The following ANXA8 variants were observed in gnomAD, a reference collection of about 807,000 sequenced individuals.
The protein encoded by ANXA8 is VAC-beta.
A neutral mutation model predicts 26.8 loss-of-function variants in ANXA8; 9 were observed. That is an observed-to-expected ratio of 0.34 (90% CI 0.20 to 0.59). ANXA8 has a LOEUF of 0.59. Among genes scored for constraint, ANXA8 ranks in the 20% least tolerant of loss-of-function variants. The pLI is 0.84. For missense variants in ANXA8, 83 were observed against 238.5 expected (o/e 0.35, Z 4.29); for synonymous variants, 39 against 94.8 (o/e 0.41, Z 3.42).
the ANXA8 span, among the ~76,000 whole-genome samples, chr10:47,627,419 G>A: frequency 2.7e-5 from 4 of 149,980 alleles, 1 homozygote; most frequent in South Asian, 2.1e-4. Context: ...TCACTCTATC[G>A]GTACTGTTAA....
At chr10:47,695,642 C>T in the ANXA8 span, among the ~76,000 whole-genome samples, 42 of 151,762 alleles carry the variant, frequency 2.8e-4, no homozygotes, top group African/African-American at 1.0e-3. Context: ...TTTATACATC[C>T]TTGGTTTTCT....
chr10:47,764,310 T>G, the ANXA8 span, among the ~76,000 whole-genome samples: 1 of 151,670 alleles, frequency 6.6e-6, no homozygotes, highest in Non-Finnish European at 1.5e-5. Context: ...TGTTTGTTGT[T>G]GCCCCTGCAA....
the ANXA8 span, among the ~76,000 whole-genome samples, chr10:47,951,836 A>T: frequency 2.1e-5 from 3 of 141,252 alleles, no homozygotes; most frequent in African/African-American, 8.0e-5. Context: ...AAAAAAAAAA[A>T]GGAATATACA....
chr10:47,733,233 C>CTCTTTCTTTCTCTCTT, the ANXA8 span, among the ~76,000 whole-genome samples: 22 of 59,714 alleles, frequency 3.7e-4, no homozygotes, highest in South Asian at 1.3e-3. Flanking sequence ...CTTTCTTTCT[C>CTCTTTCTTTCTCTCTT]TCTTTCTTTC....
chr10:47,555,941 A>G, the ANXA8 span, among the ~76,000 whole-genome samples: 16 of 152,118 alleles, frequency 1.1e-4, no homozygotes, highest in African/African-American at 3.9e-4. Context: ...TATACTTAAT[A>G]GCAGAGAATG....
the ANXA8 span, among the ~76,000 whole-genome samples, chr10:47,932,137 G>GC: frequency 6.9e-6 from 1 of 145,650 alleles, no homozygotes; most frequent in Non-Finnish European, 1.5e-5. Context: ...TGAGGGACAG[G>GC]CACCCAACAG....
At chr10:47,666,418 T>C in the ANXA8 span, among the ~76,000 whole-genome samples, 2 of 151,342 alleles carry the variant, frequency 1.3e-5, no homozygotes, top group Non-Finnish European at 2.9e-5. Context: ...TTATCTCACT[T>C]AAGCTTTACA....
chr10:47,500,000 C>T, the ANXA8 span, among the ~76,000 whole-genome samples: 1 of 151,510 alleles, frequency 6.6e-6, no homozygotes, highest in Non-Finnish European at 1.5e-5. Context: ...TGAAGTCCTA[C>T]ACTCGAGCAG....
the ANXA8 span, among the ~76,000 whole-genome samples, chr10:47,645,376 C>T: frequency 6.8e-6 from 1 of 148,058 alleles, no homozygotes; most frequent in Non-Finnish European, 1.5e-5. Flanking sequence ...TCAGTTAACA[C>T]AAAGACCATA....
chr10:47,603,436 C>T, the ANXA8 span, among the ~76,000 whole-genome samples: 496 of 149,386 alleles, frequency 3.3e-3, 1 homozygote, highest in Non-Finnish European at 2.5e-3. Flanking sequence ...CTTACAGGTG[C>T]AGCTATGATC....
At chr10:47,504,791 G>T in the ANXA8 span, among the ~76,000 whole-genome samples, 1 of 140,424 alleles carries the variant, frequency 7.1e-6, no homozygotes, top group Non-Finnish European at 1.5e-5. Flanking sequence ...GTGCTCTGTG[G>T]ACCTCTCGGG....
At chr10:47,516,506 G>A in the ANXA8 span, among the ~76,000 whole-genome samples, 1 of 131,942 alleles carries the variant, frequency 7.6e-6, no homozygotes, top group Non-Finnish European at 1.6e-5. Context: ...CCAGGAAAAT[G>A]TGTTCAAGTA....
At chr10:47,652,150 T>G in the ANXA8 span, among the ~76,000 whole-genome samples, 1 of 151,952 alleles carries the variant, frequency 6.6e-6, no homozygotes, top group Non-Finnish European at 1.5e-5. Flanking sequence ...GGGAGGCAAT[T>G]GGGAATGACT....
the ANXA8 span, among the ~76,000 whole-genome samples, chr10:47,686,620 C>T: frequency 4.0e-5 from 6 of 151,882 alleles, no homozygotes; most frequent in South Asian, 2.1e-4. Context: ...ATGCCCAGCA[C>T]GTAATGTTTA....
At chr10:47,947,985 C>G in the ANXA8 span, among the ~76,000 whole-genome samples, 3 of 151,018 alleles carry the variant, frequency 2.0e-5, no homozygotes, top group Admixed American at 2.0e-4. Context: ...CAGAGTGGAG[C>G]GTCCTTGTAG....
At chr10:47,690,934 G>C in the ANXA8 span, 1 of 1,611,188 alleles carries the variant, frequency 6.2e-7, no homozygotes, top group Non-Finnish European at 8.5e-7. Context: ...TAATGGAGGA[G>C]ATTCTGCTGT....
the ANXA8 span, chr10:47,987,113 C>G: frequency 2.4e-6 from 1 of 423,722 alleles, no homozygotes; most frequent in South Asian, 1.8e-5. Flanking sequence ...GGGGACAAGT[C>G]CCCCGGTTAG....
At chr10:47,600,201 G>A in the ANXA8 span, among the ~76,000 whole-genome samples, 1 of 149,346 alleles carries the variant, frequency 6.7e-6, no homozygotes, top group Admixed American at 6.6e-5. Context: ...GTGGGAATAG[G>A]CTGGCTCGTA....
the ANXA8 span, among the ~76,000 whole-genome samples, chr10:47,761,131 A>T: frequency 6.9e-6 from 1 of 144,878 alleles, no homozygotes; most frequent in East Asian, 2.1e-4. Context: ...CACACACAGC[A>T]GTGGGATTTG....
Sources: allele counts gnomAD v4.1 joint callset (sites outside exome capture counted in the v4.1 genomes callset), GRCh38; gene constraint gnomAD v4.1.1; transcripts MANE v1.5; gene names NCBI Gene and HGNC (gene_info 2026-07-23, HGNC 2026-07-21).